The following CDKAL1 variants were observed in gnomAD, a reference collection of about 807,000 sequenced individuals.
The protein encoded by CDKAL1 is CDKAL1 threonylcarbamoyladenosine tRNA methylthiotransferase, also known as threonylcarbamoyladenosine tRNA methylthiotransferase.
Under a neutral mutation model 68.2 loss-of-function variants are expected in CDKAL1, and 32 were observed. The observed-to-expected ratio is 0.47, with a 90% CI of 0.35 to 0.63. The LOEUF is 0.63. Ranked by LOEUF, CDKAL1 falls within the 30% of genes least tolerant of loss-of-function variation. CDKAL1 has a pLI of 0.00. For missense variants in CDKAL1, 606 were observed against 696.7 expected, an observed-to-expected ratio of 0.87 and a Z score of 1.47; for synonymous variants, 234 against 244.3, an observed-to-expected ratio of 0.96 and a Z score of 0.39.
At chr6:21,223,523 T>C (rs1165688049) in intron 15 of CDKAL1, among the ~76,000 whole-genome samples, 1 of 152,182 alleles carries the variant, frequency 6.6e-6, no homozygotes, top group African/African-American at 2.4e-5. Flanking sequence ...CCAGGTACCA[T>C]ATTACAACTT....
At chr6:20,935,687 C>G (rs1482054475) in intron 9 of CDKAL1, among the ~76,000 whole-genome samples, 2 of 152,170 alleles carry the variant, frequency 1.3e-5, no homozygotes, top group Non-Finnish European at 2.9e-5. Flanking sequence ...GCCTCGGCCT[C>G]CCAAAGTGTT....
At chr6:20,551,136 A>G (rs1763805966) in intron 4 of CDKAL1, among the ~76,000 whole-genome samples, 1 of 151,978 alleles carries the variant, frequency 6.6e-6, no homozygotes, top group African/African-American at 2.4e-5. Context: ...AAGTGCTGGG[A>G]TTACAGGCGT....
intron 10 of CDKAL1, among the ~76,000 whole-genome samples, chr6:20,994,335 C>A (rs1045705581): frequency 6.6e-6 from 1 of 152,114 alleles, no homozygotes; most frequent in African/African-American, 2.4e-5. Flanking sequence ...TAAAATTAGC[C>A]AGGTACGGTG....
chr6:20,767,151 T>C (rs1254610652), intron 7 of CDKAL1, among the ~76,000 whole-genome samples: 1 of 152,176 alleles, frequency 6.6e-6, no homozygotes, highest in Non-Finnish European at 1.5e-5. Context: ...TATTCTTCAT[T>C]AGAGAATGCA....
At chr6:20,996,727 G>A (rs1197158410) in intron 10 of CDKAL1, among the ~76,000 whole-genome samples, 6 of 152,132 alleles carry the variant, frequency 3.9e-5, no homozygotes, top group African/African-American at 1.4e-4. Flanking sequence ...ACAGAGATAC[G>A]AAGTGAGCAC....
intron 8 of CDKAL1, among the ~76,000 whole-genome samples, chr6:20,784,464 C>T (rs1440701680): frequency 1.1e-5 from 1 of 89,232 alleles, no homozygotes; most frequent in African/African-American, 4.3e-5. Context: ...CACTCTGTCA[C>T]CCAGGCTGGA....
rs114891279 is a variant in CDKAL1, at chr6:21,039,881, T to C, written c.1056-25167T>C. 6.0e-3 allele frequency among the ~76,000 whole-genome samples: 921 copies of C among 152,334 alleles called. 10 individuals carry two copies. Among genetic ancestry groups the C allele is most frequent in the African/African-American group, 0.021 (860 of 41,580 alleles). On this transcript the variant is annotated intron_variant, in intron 11 of 15. Transcript: ENST00000274695. ...CATTTTTTCTGTCCATGCATGACAGTTTTAATGTTGTATGTGGAAGAGTTG... is the reference window on the plus strand; with the variant it reads ...CATTTTTTCTGTCCATGCATGACAGCTTTAATGTTGTATGTGGAAGAGTTG...
Position 21,002,434 on chromosome 6 carries a change from C to T in CDKAL1, c.1055+2062C>T, listed in dbSNP as rs1186807618. 4.6e-5 allele frequency among the ~76,000 whole-genome samples: 7 copies of T among 152,002 alleles called. No individual in the cohort carries two copies. The East Asian group carries it at 1.2e-3, about 25-fold the overall frequency. ...TATAGTTTCAGTTTCAAGTGCCATG[C>T]GTCAATTAGATTGTAGAGTATGAGT... On this transcript the variant is annotated intron_variant, in intron 11 of 15. Coordinates refer to ENST00000274695, the MANE Select transcript of CDKAL1 (RefSeq NM_017774.3).
At chr6:20,640,368 C>T (rs920492711) in intron 4 of CDKAL1, among the ~76,000 whole-genome samples, 6 of 152,130 alleles carry the variant, frequency 3.9e-5, no homozygotes, top group East Asian at 1.9e-4. Context: ...AAGGTTTGTT[C>T]TCCTGAATAG....
intron 10 of CDKAL1, among the ~76,000 whole-genome samples, chr6:20,993,921 C>G (rs902754396): frequency 6.6e-6 from 1 of 152,162 alleles, no homozygotes; most frequent in Admixed American, 6.5e-5. Context: ...CTTAATACAT[C>G]AGCCCTTCCA....
At chr6:20,717,222 T>C (rs1723477516) in intron 5 of CDKAL1, among the ~76,000 whole-genome samples, 1 of 151,910 alleles carries the variant, frequency 6.6e-6, no homozygotes, top group African/African-American at 2.4e-5. Flanking sequence ...GAAGCAGAAA[T>C]GGAGCTAGAG....
chr6:21,069,481 T>TGCAA (rs1771637575), intron 12 of CDKAL1, among the ~76,000 whole-genome samples: 1 of 152,188 alleles, frequency 6.6e-6, no homozygotes, highest in African/African-American at 2.4e-5. Context: ...AAATTAACCT[T>TGCAA]GCATTCCTGT....
At chr6:20,830,410 AG>A (rs916829424) in intron 8 of CDKAL1, among the ~76,000 whole-genome samples, 4 of 152,226 alleles carry the variant, frequency 2.6e-5, no homozygotes, top group Admixed American at 2.6e-4. Flanking sequence ...ATACTATTCA[AG>A]ATGATTCACC....
rs775048563 is a variant in CDKAL1 at position 20,846,148 on chromosome 6, C to T, written c.712C>T (p.Leu238=). 1 of 1,611,356 alleles carries T rather than the reference C, an allele frequency of 6.2e-7. No individual in the cohort carries two copies. The highest frequency in any genetic ancestry group is 8.5e-7 in the Non-Finnish European group (1 of 1,177,814). The change falls in exon 9 of 16, where the codon CTA becomes TTA. Residue 238 remains leucine, a synonymous_variant. Transcript: ENST00000274695. The part of the protein sequence containing the change: ...GNLASYPIDE[L]VDRAKQSFQE... ...TTTGGCCAGTTATCCAATTGATGAA[C>T]TAGTAGATAGAGCCAAACAATCTTT...
At chr6:20,793,005 C>T (rs140896822) in intron 8 of CDKAL1, among the ~76,000 whole-genome samples, 1,676 of 152,256 alleles carry the variant, frequency 0.011, 13 homozygotes, top group Non-Finnish European at 0.016. Context: ...TGAAAATAGG[C>T]TCATACAATA....
intron 5 of CDKAL1, among the ~76,000 whole-genome samples, chr6:20,672,280 T>TC (rs1562014266): frequency 9.5e-4 from 119 of 125,090 alleles, no homozygotes; most frequent in Non-Finnish European, 1.8e-3. Context: ...TTTTCTTTCT[T>TC]TCTCTCTCTC....
chr6:20,730,458 GAAAGA>G (rs1772865119), intron 5 of CDKAL1, among the ~76,000 whole-genome samples: 1 of 145,028 alleles, frequency 6.9e-6, no homozygotes, highest in Non-Finnish European at 1.5e-5. Context: ...AGAAAGAAAG[GAAAGA>G]AAAGAAAGAA....
intron 8 of CDKAL1, among the ~76,000 whole-genome samples, chr6:20,804,353 A>G (rs921192768): frequency 1.4e-4 from 21 of 152,242 alleles, no homozygotes; most frequent in African/African-American, 4.3e-4. Flanking sequence ...AGGCAAGAAT[A>G]ACTGGGACTA....
intron 13 of CDKAL1, among the ~76,000 whole-genome samples, chr6:21,114,231 G>T (rs529659959): frequency 7.6e-4 from 95 of 124,718 alleles, no homozygotes; most frequent in African/African-American, 3.0e-3. Context: ...CTGGGCAACA[G>T]AGCAAGACTC....
Sources: gnomAD v4.1 joint callset for allele counts (sites outside exome capture counted in the v4.1 genomes callset) on GRCh38, gnomAD v4.1.1 for gene constraint, MANE v1.5 for transcripts, NCBI Gene and HGNC (gene_info 2026-07-23, HGNC 2026-07-21) for gene names.